PRKG1: variants seen among roughly 807,000 people sequenced by gnomAD.
PRKG1 encodes protein kinase cGMP-dependent 1.
In PRKG1, 35 loss-of-function variants were observed where a neutral mutation model predicts 88.1. The ratio of observed to expected loss-of-function variants is 0.40; its 90% confidence interval spans 0.30 to 0.53. The LOEUF is 0.53. Ranked by LOEUF, PRKG1 falls within the 20% of genes least tolerant of loss-of-function variation. The pLI, the probability that PRKG1 is intolerant of heterozygous loss-of-function variation, is 0.59. For synonymous variants in PRKG1, 303 were observed against 292.5 expected (o/e 1.04, Z -0.37); for missense variants, 540 against 839.8 (o/e 0.64, Z 4.41).
intron 3 of PRKG1, among the ~76,000 whole-genome samples, chr10:51,538,659 C>G (rs527759317): frequency 1.3e-5 from 2 of 149,666 alleles, no homozygotes; most frequent in Non-Finnish European, 3.0e-5. Flanking sequence ...CATTTGGAAA[C>G]CCTAACAATG....
chr10:52,074,525 A>T (rs1228190832), intron 7 of PRKG1, among the ~76,000 whole-genome samples: 6 of 152,318 alleles, frequency 3.9e-5, no homozygotes, highest in Non-Finnish European at 7.4e-5. Flanking sequence ...ATAAGAAAAA[A>T]TAATGTAAAT....
intron 2 of PRKG1, among the ~76,000 whole-genome samples, chr10:51,237,493 A>C (rs943659220): frequency 6.6e-6 from 1 of 152,154 alleles, no homozygotes; most frequent in Admixed American, 6.5e-5. Context: ...AGATAGACCA[A>C]CTTCAGTGGT....
chr10:51,890,009 G>A (rs1841677573), intron 4 of PRKG1, among the ~76,000 whole-genome samples: 1 of 152,210 alleles, frequency 6.6e-6, no homozygotes, highest in African/African-American at 2.4e-5. Context: ...TCTTTAGGTT[G>A]CCTGTTCACT....
At chr10:51,073,180 T>C (rs1843860188), upstream of PRKG1, among the ~76,000 whole-genome samples, 1 of 152,126 alleles carries the variant, frequency 6.6e-6, no homozygotes, top group Admixed American at 6.5e-5. Flanking sequence ...AACACTTGGA[T>C]AGAAAGGAAG....
intron 5 of PRKG1, among the ~76,000 whole-genome samples, chr10:52,008,851 A>G (rs541327141): frequency 1.3e-5 from 2 of 152,310 alleles, no homozygotes; most frequent in Non-Finnish European, 2.9e-5. Flanking sequence ...AGTAGGCTTT[A>G]TCCTTGGGAT....
At chr10:51,754,899 G>T (rs1488599034) in intron 3 of PRKG1, among the ~76,000 whole-genome samples, 5 of 151,922 alleles carry the variant, frequency 3.3e-5, no homozygotes, top group African/African-American at 1.2e-4. Context: ...AAGCAGTGCT[G>T]GATTGGATGA....
intron 10 of PRKG1, among the ~76,000 whole-genome samples, chr10:52,254,043 A>G (rs1196015396): frequency 1.3e-5 from 2 of 152,004 alleles, no homozygotes; most frequent in Admixed American, 6.6e-5. Context: ...TGATAATATT[A>G]CTTTTGGGGT....
chr10:51,994,427 C>T (rs1467298837), intron 5 of PRKG1, among the ~76,000 whole-genome samples: 1 of 152,112 alleles, frequency 6.6e-6, no homozygotes, highest in Non-Finnish European at 1.5e-5. Flanking sequence ...TCCCTGAAAA[C>T]TTCCAAAGTA....
intron 1 of PRKG1, among the ~76,000 whole-genome samples, chr10:51,114,504 A>T (rs1251332509): frequency 6.6e-6 from 1 of 151,958 alleles, no homozygotes; most frequent in African/African-American, 2.4e-5. Flanking sequence ...GGAGGGGGAC[A>T]AGGTGGGAAG....
chr10:51,299,366 T>C (rs541684450), intron 2 of PRKG1, among the ~76,000 whole-genome samples: 78 of 152,108 alleles, frequency 5.1e-4, no homozygotes, highest in Non-Finnish European at 9.7e-4. Flanking sequence ...CCACCATGCC[T>C]GGCTAAGTTT....
intron 3 of PRKG1, among the ~76,000 whole-genome samples, chr10:51,524,366 A>G (rs930563427): frequency 6.6e-6 from 1 of 152,258 alleles, no homozygotes; most frequent in Non-Finnish European, 1.5e-5. Flanking sequence ...AAAAGGACCA[A>G]ATAGTAAAAA....
At chr10:52,092,819 A>T (rs1489676969) in intron 7 of PRKG1, among the ~76,000 whole-genome samples, 1 of 152,214 alleles carries the variant, frequency 6.6e-6, no homozygotes, top group East Asian at 1.9e-4. Context: ...AGAACTCAAG[A>T]TAAAAGCAGA....
intron 3 of PRKG1, among the ~76,000 whole-genome samples, chr10:51,480,610 CCTT>C (rs1183606692): frequency 6.6e-6 from 1 of 151,686 alleles, no homozygotes; most frequent in East Asian, 1.9e-4. Flanking sequence ...TGGCTAACAG[CCTT>C]TTGGGTATGA....
chr10:51,103,795 A>G (rs1336290521), intron 1 of PRKG1, among the ~76,000 whole-genome samples: 1 of 152,194 alleles, frequency 6.6e-6, no homozygotes, highest in Non-Finnish European at 1.5e-5. Flanking sequence ...CATACCTACT[A>G]GGTATGAATA....
At chr10:51,862,673 C>A (rs556944765) in intron 4 of PRKG1, among the ~76,000 whole-genome samples, 175 of 152,292 alleles carry the variant, frequency 1.1e-3, no homozygotes, top group African/African-American at 4.0e-3. Context: ...TCATACTCTA[C>A]TCAGAACTGG....
chr10:51,373,551 G>A (rs1433974034), intron 2 of PRKG1, among the ~76,000 whole-genome samples: 5 of 151,990 alleles, frequency 3.3e-5, no homozygotes, highest in Admixed American at 6.6e-5. Flanking sequence ...TAGATATTAC[G>A]CCTGGCATGC....
chr10:51,692,553 AT>A (rs1841172180), intron 3 of PRKG1, among the ~76,000 whole-genome samples: 1 of 151,902 alleles, frequency 6.6e-6, no homozygotes, highest in Admixed American at 6.6e-5. Context: ...CAACTATACC[AT>A]TTTCCAATGT....
chr10:51,160,933 T>C (rs1846344378), intron 2 of PRKG1, among the ~76,000 whole-genome samples: 1 of 151,900 alleles, frequency 6.6e-6, no homozygotes, highest in African/African-American at 2.4e-5. Context: ...TGAAGGTACA[T>C]TCATAGCTTA....
intron 2 of PRKG1, among the ~76,000 whole-genome samples, chr10:51,249,160 T>C (rs1392789226): frequency 1.3e-5 from 2 of 151,882 alleles, no homozygotes; most frequent in African/African-American, 4.8e-5. Flanking sequence ...CGTTTTAAAA[T>C]CATTCTCTAC....
Sources: allele counts gnomAD v4.1 joint callset (sites outside exome capture counted in the v4.1 genomes callset), GRCh38; gene constraint gnomAD v4.1.1; transcripts MANE v1.5; gene names NCBI Gene and HGNC (gene_info 2026-07-23, HGNC 2026-07-21).